Variants in DNAJC1 observed in about 807,000 individuals in gnomAD.
DNAJC1 encodes the protein dnaJ homolog subfamily C member 1.
In DNAJC1, 58 loss-of-function variants were observed where a neutral mutation model predicts 76.6. The observed-to-expected ratio is 0.76, with a 90% CI of 0.61 to 0.94. The LOEUF (loss-of-function observed/expected upper bound fraction) is 0.94. Ranked by LOEUF, DNAJC1 falls within the 40% of genes least tolerant of loss-of-function variation. DNAJC1 has a pLI of 0.00. For synonymous variants in DNAJC1, 258 were observed against 267.9 expected (o/e 0.96, Z 0.36); for missense variants, 689 against 677.3 (o/e 1.02, Z -0.19).
chr10:21,934,706 T>C lies in DNAJC1; in HGVS notation c.223-5565A>G, dbSNP rs560837872. On this transcript the variant is annotated intron_variant, in intron 1 of 11. Transcript: ENST00000376980. ...CCCAGGAGCAATAGGTTATACCATA[T>C]AGCCTAGGTTTGCAGTAGGCTATAC... is the stretch of plus-strand genomic sequence containing the variant. 8.5e-5 allele frequency among the ~76,000 whole-genome samples: 13 copies of C among 152,312 alleles called. No homozygotes were observed. In the East Asian group the frequency reaches 2.1e-3, roughly 25 times the overall value.
chr10:21,899,892 A>C (rs1292965895), intron 7 of DNAJC1, among the ~76,000 whole-genome samples: 1 of 152,196 alleles, frequency 6.6e-6, no homozygotes, highest in Non-Finnish European at 1.5e-5. Context: ...TTTGTCTCAG[A>C]AAGAGATCAG....
intron 1 of DNAJC1, among the ~76,000 whole-genome samples, chr10:21,969,518 C>T (rs1409808802): frequency 2.0e-5 from 3 of 152,122 alleles, no homozygotes; most frequent in South Asian, 2.1e-4. Context: ...TCAAATGAGT[C>T]GGACTCTGAG....
chr10:21,773,899 T>C (rs1468884959), intron 9 of DNAJC1, among the ~76,000 whole-genome samples: 1 of 151,720 alleles, frequency 6.6e-6, no homozygotes, highest in Non-Finnish European at 1.5e-5. Context: ...CCCAGCACTT[T>C]GGGAGGCCGA....
intron 1 of DNAJC1, among the ~76,000 whole-genome samples, chr10:21,941,175 A>G (rs1025195704): frequency 1.1e-4 from 16 of 144,106 alleles, no homozygotes; most frequent in African/African-American, 3.8e-4. Flanking sequence ...AGGCTGAGGC[A>G]GGAGAATGGC....
intron 7 of DNAJC1, among the ~76,000 whole-genome samples, chr10:21,894,140 CT>C (rs1408483079): frequency 1.3e-5 from 2 of 152,146 alleles, no homozygotes; most frequent in African/African-American, 4.8e-5. Flanking sequence ...TTAAATAGCT[CT>C]ATAACTATAA....
intron 7 of DNAJC1, among the ~76,000 whole-genome samples, chr10:21,891,025 TAC>T (rs1836452297): frequency 6.6e-6 from 1 of 152,000 alleles, no homozygotes; most frequent in South Asian, 2.1e-4. Context: ...ACCCTGTCTC[TAC>T]TAAAAATACA....
chr10:21,895,308 T>G (rs1836523902), intron 7 of DNAJC1, among the ~76,000 whole-genome samples: 1 of 152,212 alleles, frequency 6.6e-6, no homozygotes, highest in African/African-American at 2.4e-5. Context: ...AAGGCCATTC[T>G]GATAAGGCGT....
At chr10:21,837,055 C>T (rs560126962) in intron 8 of DNAJC1, among the ~76,000 whole-genome samples, 14 of 152,210 alleles carry the variant, frequency 9.2e-5, no homozygotes, top group East Asian at 1.9e-4. Context: ...GGATTGCAGG[C>T]GTGCGCCGCC....
chr10:21,764,261 C>T (rs945190189), intron 10 of DNAJC1, among the ~76,000 whole-genome samples: 3 of 152,142 alleles, frequency 2.0e-5, no homozygotes, highest in East Asian at 1.9e-4. Flanking sequence ...AACAGTATTG[C>T]GGTACAGTCC....
chr10:21,836,619 T>A (rs992151368), intron 8 of DNAJC1, among the ~76,000 whole-genome samples: 48 of 151,894 alleles, frequency 3.2e-4, no homozygotes, highest in Admixed American at 1.3e-3. Context: ...CTCAAAATAA[T>A]GGGATGGAGG....
At chr10:21,870,470 A>G (rs1438140456) in intron 8 of DNAJC1, among the ~76,000 whole-genome samples, 4 of 152,252 alleles carry the variant, frequency 2.6e-5, no homozygotes, top group Middle Eastern at 3.4e-3. Context: ...TGAGTAAGAT[A>G]CACTCAAGAA....
chr10:22,000,506 C>T (rs1285205232), intron 1 of DNAJC1, among the ~76,000 whole-genome samples: 2 of 152,246 alleles, frequency 1.3e-5, no homozygotes, highest in East Asian at 3.8e-4. Context: ...TCTGCTCCAG[C>T]CACACTGCCT....
chr10:22,003,293 A>C lies in DNAJC1; in HGVS notation c.142T>G (p.Trp48Gly). 6.5e-7 allele frequency: 1 copy of C among 1,534,010 alleles called. No homozygotes were observed. Among genetic ancestry groups the C allele is most frequent in the Non-Finnish European group, 8.8e-7 (1 of 1,142,086 alleles). The change falls in exon 1 of 12, where the codon TGG becomes GGG. Residue 48 changes from tryptophan (W) to glycine (G), a missense_variant. Transcript: ENST00000376980. ...AACAACTCCAGGTCTCCGCTCTCCCAGCCGCGCGCCGGCGCCACGGCGGCC... is the reference window on the plus strand; with the variant it reads ...AACAACTCCAGGTCTCCGCTCTCCCCGCCGCGCGCCGGCGCCACGGCGGCC... ...LLAAVAPARG[W>G]ESGDLELFDL...
At position 21,924,783 on chromosome 10, in the gene DNAJC1, T is replaced by C. The variant is rs562729661; in HGVS notation, c.371+3723A>G. 5.3e-5 allele frequency among the ~76,000 whole-genome samples: 8 copies of C among 152,308 alleles called. No individual in the cohort carries two copies. In the South Asian group the frequency reaches 6.2e-4, roughly 12 times the overall value. On this transcript the variant is annotated intron_variant, in intron 3 of 11. Coordinates refer to ENST00000376980, the MANE Select transcript of DNAJC1 (RefSeq NM_022365.4). ...TCACTGTGTGAACATCATGGTGTAC[T>C]TACACAAACCTATGTTGTATAGCTT...
chr10:21,930,386 C>T (rs759725919), intron 1 of DNAJC1, among the ~76,000 whole-genome samples: 1 of 152,150 alleles, frequency 6.6e-6, no homozygotes, highest in Non-Finnish European at 1.5e-5. Flanking sequence ...TGATAGCTGA[C>T]TGTCTAATTA....
At chr10:21,844,322 G>A (rs1392985777) in intron 8 of DNAJC1, among the ~76,000 whole-genome samples, 1 of 151,394 alleles carries the variant, frequency 6.6e-6, no homozygotes, top group African/African-American at 2.4e-5. Flanking sequence ...TGCCCAGGCT[G>A]GTCTCGAATC....
chr10:21,942,805 C>CAAAAAA (rs540122534), intron 1 of DNAJC1, among the ~76,000 whole-genome samples: 1 of 45,402 alleles, frequency 2.2e-5, no homozygotes, highest in African/African-American at 7.7e-5. Flanking sequence ...GACTCCATCT[C>CAAAAAA]AAAAAAAAAA....
intron 3 of DNAJC1, among the ~76,000 whole-genome samples, chr10:21,925,612 G>C (rs1837115485): frequency 1.3e-5 from 2 of 152,112 alleles, no homozygotes; most frequent in Non-Finnish European, 2.9e-5. Context: ...CAATAGAAAA[G>C]AATGAACTAC....
At chr10:21,777,681 C>A (rs1380156404) in intron 9 of DNAJC1, among the ~76,000 whole-genome samples, 1 of 152,174 alleles carries the variant, frequency 6.6e-6, no homozygotes, top group Non-Finnish European at 1.5e-5. Context: ...TTTGCTAAAC[C>A]AAAAGGGCAA....
Sources: allele counts gnomAD v4.1 joint callset (sites outside exome capture counted in the v4.1 genomes callset), GRCh38; gene constraint gnomAD v4.1.1; transcripts MANE v1.5; gene names NCBI Gene and HGNC (gene_info 2026-07-23, HGNC 2026-07-21).